Variants in KDELR2 observed in about 807,000 individuals in gnomAD.
KDELR2 encodes the protein ER lumen protein-retaining receptor 2.
In KDELR2, 15 loss-of-function variants were observed where a neutral mutation model predicts 23.9. That is an observed-to-expected ratio of 0.63 (90% CI 0.42 to 0.97). The LOEUF (loss-of-function observed/expected upper bound fraction) is 0.97, where lower values mean the gene tolerates loss of function less well. Among genes scored for constraint, KDELR2 ranks in the 50% least tolerant of loss-of-function variants. The probability of loss-of-function intolerance (pLI) is 0.00; values close to 1 mark genes in which losing one functional copy is unlikely to be tolerated. For synonymous variants in KDELR2, 119 were observed against 106.2 expected (o/e 1.12, Z -0.74); for missense variants, 272 against 254.6 (o/e 1.07, Z -0.46).
intron 1 of KDELR2, among the ~76,000 whole-genome samples, chr7:6,483,216 C>G (rs1785944202): frequency 1.3e-5 from 2 of 152,126 alleles, no homozygotes; most frequent in South Asian, 4.1e-4. Flanking sequence ...CTCGGCGGTC[C>G]CCGGGCGCCG....
intron 1 of KDELR2, among the ~76,000 whole-genome samples, chr7:6,480,473 C>CAGCCTCAA (rs1785867558): frequency 6.6e-6 from 1 of 152,120 alleles, no homozygotes; most frequent in African/African-American, 2.4e-5. Flanking sequence ...CAAGAGAATG[C>CAGCCTCAA]AGCCTCAAAC....
chr7:6,464,719 T>C (rs1316293929), intron 4 of KDELR2, among the ~76,000 whole-genome samples: 1 of 145,470 alleles, frequency 6.9e-6, no homozygotes, highest in African/African-American at 2.5e-5. Flanking sequence ...ATAAGACATA[T>C]ATGCTCTTTT....
intron 1 of KDELR2, among the ~76,000 whole-genome samples, chr7:6,474,632 A>G (rs2115330410): frequency 6.6e-6 from 1 of 152,306 alleles, no homozygotes; most frequent in South Asian, 2.1e-4. Flanking sequence ...GCTGTCATTT[A>G]GTGTTATAAC....
At chr7:6,474,559 C>CA (rs1341595865) in intron 1 of KDELR2, among the ~76,000 whole-genome samples, 1 of 152,198 alleles carries the variant, frequency 6.6e-6, no homozygotes, top group African/African-American at 2.4e-5. Flanking sequence ...GTGTATCATT[C>CA]AAACGAACCT....
chr7:6,462,762 C>T lies in KDELR2; in HGVS notation c.*379G>A, dbSNP rs1289823276. The T allele has an allele frequency of 1.0e-5, 5 of 483,028 alleles. No homozygotes were observed. The highest frequency in any genetic ancestry group is 3.8e-5 in the Admixed American group (1 of 26,028). The allele number at this position is 483,028 out of a possible 1,614,324, so 29.9% of individuals were successfully genotyped here. On this transcript the variant is annotated 3_prime_UTR_variant, in exon 5 of 5. Transcript: ENST00000258739. ...ATAATCTATCAACTGTCAAGGAGTACAATTTCATTGCAGACACAAAGACTT... is the reference window on the plus strand; with the variant it reads ...ATAATCTATCAACTGTCAAGGAGTATAATTTCATTGCAGACACAAAGACTT...
At chr7:6,477,123 C>T (rs1785770090) in intron 1 of KDELR2, among the ~76,000 whole-genome samples, 1 of 152,220 alleles carries the variant, frequency 6.6e-6, no homozygotes, top group Non-Finnish European at 1.5e-5. Flanking sequence ...GTAAATAGGG[C>T]TCTGCCCTAA....
At chr7:6,480,333 C>T (rs922558323) in intron 1 of KDELR2, among the ~76,000 whole-genome samples, 3 of 152,186 alleles carry the variant, frequency 2.0e-5, no homozygotes, top group African/African-American at 7.2e-5. Flanking sequence ...TTATGTAGGT[C>T]AGTGTTTAGG....
chr7:6,483,618 G>A (rs1040629769), intron 1 of KDELR2, among the ~76,000 whole-genome samples: 2 of 152,210 alleles, frequency 1.3e-5, no homozygotes, highest in African/African-American at 2.4e-5. Flanking sequence ...CCCGGCCGGA[G>A]AAGCGCCCCC....
Position 6,466,134 on chromosome 7 carries a change from C to G in KDELR2, c.541G>C (p.Val181Leu). Residue 181 changes from valine (V) to leucine (L), a missense_variant, in exon 4 of 5, where the codon GTG (valine) becomes CTG (leucine). Coordinates refer to ENST00000258739, the MANE Select transcript of KDELR2 (RefSeq NM_006854.4). Reference protein sequence around the residue: ...YFEGFFDLIAVVAGVVQTILY... With the variant: ...YFEGFFDLIALVAGVVQTILY... ...ATGGTCTGGACTACGCCGGCCACCA[C>G]AGCAATGAGGTCAAAGAAGCCCTCA... 1 of 1,614,168 alleles carries G rather than the reference C, an allele frequency of 6.2e-7. No homozygotes were observed. The highest frequency in any genetic ancestry group is 8.5e-7 in the Non-Finnish European group (1 of 1,180,030).
intron 3 of KDELR2, among the ~76,000 whole-genome samples, chr7:6,469,167 T>TA (rs1785570270): frequency 1.3e-5 from 2 of 151,714 alleles, no homozygotes. Flanking sequence ...TTAGCCAGTA[T>TA]AGTCTCGATC....
At chr7:6,467,971 G>A (rs1477367057) in intron 3 of KDELR2, among the ~76,000 whole-genome samples, 2 of 152,134 alleles carry the variant, frequency 1.3e-5, no homozygotes, top group Non-Finnish European at 1.5e-5. Context: ...TGCTAAGCAG[G>A]GTCACAGACA....
rs1175329939 is a variant in KDELR2, at chr7:6,462,064, G to A, written c.*1077C>T. ...AGTGTTTTTTAGGATGGTAACATAAGTCATGCAACAGCTCTGTAAAACAAA... is the reference window on the plus strand; with the variant it reads ...AGTGTTTTTTAGGATGGTAACATAAATCATGCAACAGCTCTGTAAAACAAA... On this transcript the variant is annotated 3_prime_UTR_variant, in exon 5 of 5. Transcript: ENST00000258739. 1 of 152,036 alleles carries A rather than the reference G, an allele frequency of 6.6e-6. No individual in the cohort carries two copies. The highest frequency in any genetic ancestry group is 1.5e-5 in the Non-Finnish European group (1 of 68,008). The allele number at this position is 152,036 out of a possible 1,614,324, so 9.4% of individuals were successfully genotyped here.
At position 6,484,006 on chromosome 7, in the gene KDELR2, T is replaced by A. The variant is rs1050738212; in HGVS notation, c.52A>T (p.Ile18Phe). The A allele has an allele frequency of 2.6e-6, 4 of 1,530,644 alleles. No individual in the cohort carries two copies. The allele number at this position is 1,530,644 out of a possible 1,614,324, so 94.8% of individuals were successfully genotyped here. A position where few individuals can be genotyped will look rare whatever the true frequency, so the allele number is the denominator to read the frequency against. Residue 18 changes from isoleucine (I) to phenylalanine (F), a missense_variant, in exon 1 of 5, where the codon ATC becomes TTC. Ile to Phe is a conservative substitution (Grantham distance 21). Transcript: ENST00000258739. ...GTCTTCCAGATCTTCAGCAGCAGGA[T>A]GACGATGGCCGCCAGGTGGGACAGG... ...GDLSHLAAIV[I>F]LLLKIWKTRS...
chr7:6,466,040 C>A (rs753866561), intron 4 of KDELR2, 31 bp downstream of exon 4: 1 of 1,608,852 alleles, frequency 6.2e-7, no homozygotes, highest in South Asian at 1.1e-5. Context: ...ACACGTCACT[C>A]TAGAAACAAC....
intron 1 of KDELR2, 72 bp from the exon 2 acceptor site, chr7:6,474,356 G>A (rs1242301969): frequency 6.6e-6 from 7 of 1,057,240 alleles, no homozygotes; most frequent in Non-Finnish European, 1.0e-5. Flanking sequence ...CACTGTGCAG[G>A]GAGTGCAGAC....
At position 6,484,069 on chromosome 7, in the gene KDELR2, C is replaced by T. The variant is rs371753965; in HGVS notation, c.-12G>A. 8.2e-6 allele frequency: 12 copies of T among 1,470,934 alleles called. No individual in the cohort carries two copies. Among genetic ancestry groups the T allele is most frequent in the South Asian group, 3.9e-5 (3 of 77,142 alleles). The allele number at this position is 1,470,934 out of a possible 1,614,324, so 91.1% of individuals were successfully genotyped here. Reference sequence around the variant, plus strand: ...CGGAAAATGTTCATGGCGGCGGCGGCGGTGGCGGTCGGCGCAGCGCGGCGG... The same window carrying T: ...CGGAAAATGTTCATGGCGGCGGCGGTGGTGGCGGTCGGCGCAGCGCGGCGG... On this transcript the variant is annotated 5_prime_UTR_variant, in exon 1 of 5. Coordinates refer to ENST00000258739, the MANE Select transcript of KDELR2 (RefSeq NM_006854.4).
chr7:6,478,341 T>C (rs954728318), intron 1 of KDELR2, among the ~76,000 whole-genome samples: 1 of 151,988 alleles, frequency 6.6e-6, no homozygotes, highest in Admixed American at 6.6e-5. Context: ...AGAGACAGGG[T>C]TTCACTATGT....
chr7:6,484,043 C>G lies in KDELR2; in HGVS notation c.15G>C (p.Arg5=). The change falls in exon 1 of 5, where the codon CGG becomes CGC. Residue 5 remains arginine (R), a synonymous_variant. Transcript: ENST00000258739. ...CCAGGTGGGACAGGTCCCCAGTCAG[C>G]CGGAAAATGTTCATGGCGGCGGCGG... MNIF[R]LTGDLSHLAA... is the part of the protein sequence containing the mutation. 1 of 1,519,154 alleles carries G rather than the reference C, an allele frequency of 6.6e-7. No individual in the cohort carries two copies. Among genetic ancestry groups the G allele is most frequent in the Non-Finnish European group, 8.8e-7 (1 of 1,130,628 alleles). 94.1% of individuals were successfully genotyped at this position (1,519,154 alleles called of 1,614,324 possible).
chr7:6,464,827 C>G (rs1461265259), intron 4 of KDELR2, among the ~76,000 whole-genome samples: 1 of 151,138 alleles, frequency 6.6e-6, no homozygotes, highest in Non-Finnish European at 1.5e-5. Context: ...CCTCTGCCTC[C>G]CGGGTTCAAG....
Sources: allele counts gnomAD v4.1 joint callset (sites outside exome capture counted in the v4.1 genomes callset), GRCh38; gene constraint gnomAD v4.1.1; transcripts MANE v1.5; gene names NCBI Gene and HGNC (gene_info 2026-07-23, HGNC 2026-07-21).